The following GREB1L variants were observed in gnomAD, a reference collection of about 807,000 sequenced individuals.
GREB1L encodes the protein GREB1-like protein.
In GREB1L, 17 loss-of-function variants were observed where a neutral mutation model predicts 200.8. The observed-to-expected ratio is 0.08, with a 90% CI of 0.06 to 0.13. GREB1L has a LOEUF of 0.13. Ranked by LOEUF, GREB1L falls within the 10% of genes least tolerant of loss-of-function variation. GREB1L has a pLI of 1.00. For missense variants in GREB1L, 1,657 were observed against 2,367.7 expected, an observed-to-expected ratio of 0.70 and a Z score of 6.23; for synonymous variants, 789 against 893.0, an observed-to-expected ratio of 0.88 and a Z score of 2.08.
chr18:21,450,188 C>T (rs541509526), intron 12 of GREB1L, among the ~76,000 whole-genome samples: 2 of 152,104 alleles, frequency 1.3e-5, no homozygotes, highest in African/African-American at 2.4e-5. Flanking sequence ...GCCAGTTAAT[C>T]GAATTTGCCA....
Position 21,394,932 on chromosome 18 carries a change from A to T in GREB1L, c.356-453A>T, listed in dbSNP as rs1359151411. ...AACATGGGGAAGCTCCATCTCTACT[A>T]AAAAAAAAAAAAAAAAAAAAAATTA... is the stretch of plus-strand genomic sequence containing the variant. On this transcript the variant is annotated intron_variant, in intron 4 of 32. Coordinates refer to ENST00000424526, the MANE Select transcript of GREB1L (RefSeq NM_001142966.3). 1.5e-4 allele frequency among the ~76,000 whole-genome samples: 8 copies of T among 54,520 alleles called. No homozygotes were observed. In the African/African-American group the frequency reaches 2.3e-3, roughly 16 times the overall value. The allele number at this position is 54,520 out of a possible 152,430, so 35.8% of individuals were successfully genotyped here. A position where few individuals can be genotyped will look rare whatever the true frequency, so the allele number is the denominator to read the frequency against.
intron 15 of GREB1L, among the ~76,000 whole-genome samples, chr18:21,455,306 C>G (rs1246264003): frequency 8.6e-6 from 1 of 116,318 alleles, no homozygotes; most frequent in African/African-American, 3.3e-5. Flanking sequence ...TTCTGATTAC[C>G]TTAGCTGAGG....
At chr18:21,427,440 GGTT>G (rs2032702236) in intron 7 of GREB1L, among the ~76,000 whole-genome samples, 1 of 152,098 alleles carries the variant, frequency 6.6e-6, no homozygotes, top group African/African-American at 2.4e-5. Flanking sequence ...AGGAACTTGA[GGTT>G]GTTGTGAGCT....
In GREB1L at chr18:21,253,249, AT is replaced by A. The variant is rs66924517; in HGVS notation, c.-120+10877del. On this transcript the variant is annotated intron_variant, in intron 1 of 32. Transcript: ENST00000424526. ...AATATAGAGAAAACATATTTCAAGA[AT>A]TTTTTTTTTTTTTTTTTTTTGAGAT... is the stretch of plus-strand genomic sequence containing the variant. Among the ~76,000 whole-genome samples, 1,104 of 127,120 alleles carry A rather than the reference AT, an allele frequency of 8.7e-3. 3 individuals carry two copies. The highest frequency in any genetic ancestry group is 0.019 in the African/African-American group (633 of 33,650). 83.4% of individuals were successfully genotyped at this position (127,120 alleles called of 152,430 possible). A position where few individuals can be genotyped will look rare whatever the true frequency, so the allele number is the denominator to read the frequency against.
chr18:21,339,129 G>A (rs1250337098), intron 1 of GREB1L, among the ~76,000 whole-genome samples: 3 of 151,930 alleles, frequency 2.0e-5, no homozygotes, highest in Admixed American at 2.0e-4. Flanking sequence ...TGAGGTTGCA[G>A]TGAGCCGAGA....
At chr18:21,305,370 C>G (rs1216092348) in intron 1 of GREB1L, among the ~76,000 whole-genome samples, 1 of 152,146 alleles carries the variant, frequency 6.6e-6, no homozygotes, top group Admixed American at 6.5e-5. Context: ...GTTTGATTCC[C>G]TTACATAACT....
In GREB1L at chr18:21,278,413, T is replaced by A. The variant is rs1458532144; in HGVS notation, c.-120+36020T>A. ...AAAAATAAATAAATAAATAAATAAA[T>A]AAATAAATAAATAAATAAAGTTACA... On this transcript the variant is annotated intron_variant, in intron 1 of 32. Coordinates refer to ENST00000424526, the MANE Select transcript of GREB1L (RefSeq NM_001142966.3). 8.8e-5 allele frequency among the ~76,000 whole-genome samples: 13 copies of A among 148,526 alleles called. 1 individual carries two copies. Among genetic ancestry groups the A allele is most frequent in the East Asian group, 5.9e-4 (3 of 5,086 alleles).
intron 1 of GREB1L, among the ~76,000 whole-genome samples, chr18:21,252,877 A>C (rs2037735669): frequency 6.6e-6 from 1 of 152,116 alleles, no homozygotes; most frequent in African/African-American, 2.4e-5. Flanking sequence ...CCAAAAAAGA[A>C]AGTTTTATTA....
chr18:21,293,710 A>G (rs920514394), intron 1 of GREB1L, among the ~76,000 whole-genome samples: 4 of 152,230 alleles, frequency 2.6e-5, no homozygotes, highest in South Asian at 2.1e-4. Context: ...AGTTAGAGCT[A>G]GGCTCTAGGA....
chr18:21,500,650 C>T lies in GREB1L; in HGVS notation c.4072+8C>T, dbSNP rs2036749745. ...AGGAGGAGATCAACACCGGTGAGTG[C>T]TGAGCCCAGGGAGTGGGCAGAGGGG... is the stretch of plus-strand genomic sequence containing the variant. On this transcript the variant is annotated splice_region_variant and intron_variant, in intron 23 of 32. Transcript: ENST00000424526. 2 of 1,527,090 alleles carry T rather than the reference C, an allele frequency of 1.3e-6. No homozygotes were observed. The highest frequency in any genetic ancestry group is 1.8e-6 in the Non-Finnish European group (2 of 1,133,454). 94.6% of individuals were successfully genotyped at this position (1,527,090 alleles called of 1,614,324 possible).
chr18:21,404,245 T>G (rs975358763), intron 7 of GREB1L, among the ~76,000 whole-genome samples: 4 of 152,166 alleles, frequency 2.6e-5, no homozygotes, highest in African/African-American at 9.7e-5. Context: ...TAGGGGAGAC[T>G]GACAGTAGGC....
intron 23 of GREB1L, among the ~76,000 whole-genome samples, chr18:21,504,380 T>A (rs1261521605): frequency 6.6e-6 from 1 of 152,158 alleles, no homozygotes; most frequent in Non-Finnish European, 1.5e-5. Flanking sequence ...ACAAAAATTT[T>A]AAAACTCTAG....
intron 27 of GREB1L, among the ~76,000 whole-genome samples, chr18:21,510,213 C>CA (rs57710844): frequency 0.028 from 2,379 of 84,012 alleles, 23 homozygotes; most frequent in African/African-American, 0.037. Flanking sequence ...AAACTGTCTC[C>CA]AAAAAAAAAA....
chr18:21,277,812 A>G (rs778923497), intron 1 of GREB1L, among the ~76,000 whole-genome samples: 3 of 152,112 alleles, frequency 2.0e-5, no homozygotes, highest in Admixed American at 6.5e-5. Flanking sequence ...TGTCTGCCCA[A>G]TTCTATTTTG....
chr18:21,471,725 G>A (rs1295316063), intron 15 of GREB1L, among the ~76,000 whole-genome samples: 4 of 151,464 alleles, frequency 2.6e-5, no homozygotes, highest in Non-Finnish European at 4.4e-5. Flanking sequence ...GGGTTGAAGC[G>A]ATTCTCCTCC....
intron 7 of GREB1L, among the ~76,000 whole-genome samples, chr18:21,421,493 G>A (rs1346041389): frequency 6.6e-6 from 1 of 152,186 alleles, no homozygotes; most frequent in Non-Finnish European, 1.5e-5. Flanking sequence ...GCATGTGAAT[G>A]TGAAAAGAGG....
rs1352382253 is a variant in GREB1L, at chr18:21,327,993, C to T, written c.-119-38034C>T. ...CCTCCCAAAGTGCTGGGATTACAGG[C>T]GTGAGCCACAGCGCCCGGCCAACCC... On this transcript the variant is annotated intron_variant, in intron 1 of 32. Transcript: ENST00000424526. 5.3e-5 allele frequency among the ~76,000 whole-genome samples: 8 copies of T among 152,180 alleles called. 1 individual carries two copies. The South Asian group carries it at 6.2e-4, about 12-fold the overall frequency.
At position 21,500,103 on chromosome 18, in the gene GREB1L, C is replaced by T. The variant is rs1156706419; in HGVS notation, c.3766C>T (p.Leu1256=). ...TGGCAAGCTGCCATCCTCCTCCTCC[C>T]TGCTGCCCCACGCCGACGTGGCCTG... The part of the protein sequence containing the change: ...KSGKLPSSSS[L]LPHADVAWVS... The change falls in exon 22 of 33, where the codon CTG becomes TTG. Residue 1256 remains leucine, a synonymous_variant. Coordinates refer to ENST00000424526, the MANE Select transcript of GREB1L (RefSeq NM_001142966.3). The T allele has an allele frequency of 6.4e-7, 1 of 1,551,754 alleles. No homozygotes were observed. The highest frequency in any genetic ancestry group is 8.7e-7 in the Non-Finnish European group (1 of 1,147,022).
At position 21,472,788 on chromosome 18, in the gene GREB1L, C is replaced by T. The variant is rs569860451; in HGVS notation, c.2183-243C>T. Among the ~76,000 whole-genome samples, 14 of 152,210 alleles carry T rather than the reference C, an allele frequency of 9.2e-5. No individual in the cohort carries two copies. In the South Asian group the frequency reaches 2.9e-3, roughly 32 times the overall value. On this transcript the variant is annotated intron_variant, in intron 15 of 32. Coordinates refer to ENST00000424526, the MANE Select transcript of GREB1L (RefSeq NM_001142966.3). ...ACTCAGCTGCCTTTATCTCATGTAC[C>T]AGAATGTTCCCTGTATTTGTGTCAG...
Sources: gnomAD v4.1 joint callset for allele counts (sites outside exome capture counted in the v4.1 genomes callset) on GRCh38, gnomAD v4.1.1 for gene constraint, MANE v1.5 for transcripts, NCBI Gene and HGNC (gene_info 2026-07-23, HGNC 2026-07-21) for gene names.